YBX1: variants seen among roughly 807,000 people sequenced by gnomAD.
YBX1 encodes the protein Y-box binding protein 1, also known as Y-box-binding protein 1.
YBX1 carries 3 observed loss-of-function variants against 41.4 expected under a neutral mutation model. The observed-to-expected ratio is 0.07, with a 90% CI of 0.03 to 0.19. The LOEUF is 0.19. YBX1 is among the 10% of genes least tolerant of loss of function. The probability of loss-of-function intolerance (pLI) is 1.00; values close to 1 mark genes in which losing one functional copy is unlikely to be tolerated. For synonymous variants in YBX1, 133 were observed against 165.8 expected (o/e 0.80, Z 1.52); for missense variants, 274 against 462.8 (o/e 0.59, Z 3.74).
chr1:42,686,062 T>C (rs1650189012), intron 2 of YBX1, among the ~76,000 whole-genome samples: 1 of 152,256 alleles, frequency 6.6e-6, no homozygotes, highest in Admixed American at 6.5e-5. Flanking sequence ...TAGAGGGGTT[T>C]ATTAGCTCCC....
intron 2 of YBX1, among the ~76,000 whole-genome samples, chr1:42,686,653 G>A (rs1009711734): frequency 7.2e-5 from 11 of 152,198 alleles, no homozygotes; most frequent in African/African-American, 2.7e-4. Flanking sequence ...CCCTTGTGGG[G>A]ATTCCATATG....
At chr1:42,697,132 TTATTA>T (rs1650480675) in intron 5 of YBX1, 43 bp from the exon 6 acceptor site, 52 of 1,579,682 alleles carry the variant, frequency 3.3e-5, no homozygotes, top group Non-Finnish European at 4.3e-5. Context: ...TTGGGTTTTT[TTATTA>T]TATTACTGAC....
At chr1:42,684,118 A>G (rs568458475) in intron 2 of YBX1, among the ~76,000 whole-genome samples, 1 of 152,302 alleles carries the variant, frequency 6.6e-6, no homozygotes, top group African/African-American at 2.4e-5. Context: ...TAACTGGTTA[A>G]GTCGATTTCT....
chr1:42,697,109 T>C (rs1650480004), intron 5 of YBX1, 71 bp from the exon 6 acceptor site: 2 of 1,546,982 alleles, frequency 1.3e-6, no homozygotes, highest in East Asian at 4.5e-5. Context: ...TTTTAACTCT[T>C]GGATTTATCT....
chr1:42,698,187 T>G (rs981757898), intron 6 of YBX1, among the ~76,000 whole-genome samples: 1 of 152,226 alleles, frequency 6.6e-6, no homozygotes, highest in Non-Finnish European at 1.5e-5. Flanking sequence ...TTTACCAAAG[T>G]TGGAGCACTT....
At chr1:42,694,784 T>G (rs529686771) in intron 3 of YBX1, among the ~76,000 whole-genome samples, 52 of 152,322 alleles carry the variant, frequency 3.4e-4, no homozygotes, top group African/African-American at 1.2e-3. Context: ...TTTATAAAAT[T>G]GGTATTCTTG....
intron 2 of YBX1, among the ~76,000 whole-genome samples, chr1:42,693,107 T>G (rs1326771784): frequency 1.3e-5 from 2 of 152,094 alleles, no homozygotes; most frequent in Non-Finnish European, 2.9e-5. Flanking sequence ...CAGGATAAGG[T>G]GAGAATGTAA....
At chr1:42,698,699 A>T (rs1022471215) in intron 6 of YBX1, among the ~76,000 whole-genome samples, 1 of 152,216 alleles carries the variant, frequency 6.6e-6, no homozygotes, top group Non-Finnish European at 1.5e-5. Context: ...TTAGAAAGGT[A>T]TCTTTGTCCA....
At chr1:42,698,674 C>T (rs906883436) in intron 6 of YBX1, among the ~76,000 whole-genome samples, 5 of 152,116 alleles carry the variant, frequency 3.3e-5, no homozygotes, top group Admixed American at 6.5e-5. Context: ...AACAAGCTTG[C>T]GGTTGATTTG....
chr1:42,683,026 G>T (rs1270159800), intron 1 of YBX1: 1 of 365,608 alleles, frequency 2.7e-6, no homozygotes, highest in Non-Finnish European at 5.4e-6. Context: ...GACCGGCCTC[G>T]TGCGCTCGGG....
chr1:42,682,592 G>GCCGCCCGCCGCC lies in YBX1; in HGVS notation c.30_41dup (p.Pro15_Pro18dup), dbSNP rs930113217. 9 of 1,454,840 alleles carry GCCGCCCGCCGCC rather than the reference G, an allele frequency of 6.2e-6. No homozygotes were observed. In the African/African-American group the frequency reaches 1.3e-4, roughly 22 times the overall value. The allele number at this position is 1,454,840 out of a possible 1,614,324, so 90.1% of individuals were successfully genotyped here. ...TGAGCAGCGAGGCCGAGACCCAGCA[G>GCCGCCCGCCGCC]CCGCCCGCCGCCCCCCCCGCCGCCC... is the stretch of plus-strand genomic sequence containing the variant. On this transcript the variant is annotated inframe_insertion, in exon 1 of 8. Transcript: ENST00000321358.
chr1:42,683,306 G>A (rs1650104823), intron 1 of YBX1, 97 bp from the exon 2 acceptor site: 39 of 1,454,342 alleles, frequency 2.7e-5, no homozygotes, highest in Non-Finnish European at 3.8e-5. Context: ...AGGTGGCCGC[G>A]GCGGCCGGCG....
intron 2 of YBX1, among the ~76,000 whole-genome samples, chr1:42,690,931 A>C (rs1378969703): frequency 6.6e-6 from 1 of 152,198 alleles, no homozygotes; most frequent in Admixed American, 6.5e-5. Flanking sequence ...TTCCAGTGTT[A>C]ATTTCCCAGC....
chr1:42,685,611 GAGAC>G (rs1456581745), intron 2 of YBX1, among the ~76,000 whole-genome samples: 2 of 152,232 alleles, frequency 1.3e-5, no homozygotes, highest in African/African-American at 2.4e-5. Flanking sequence ...ATGAGGGAGG[GAGAC>G]AGACTGACAC....
rs566081240 is a variant in YBX1, at chr1:42,693,555, A to G, written c.264+32A>G. On this transcript the variant is annotated intron_variant, in intron 3 of 7. Coordinates refer to ENST00000321358, the MANE Select transcript of YBX1 (RefSeq NM_004559.5). ...GCTTGTGTAGATATTTGCACTTCTG[A>G]TTCAAGGATTGTAAGAAGAAAAGGT... is the stretch of plus-strand genomic sequence containing the variant. The G allele has an allele frequency of 1.9e-6, 3 of 1,610,046 alleles. No homozygotes were observed. In the Admixed American group the frequency reaches 5.0e-5, roughly 27 times the overall value.
intron 6 of YBX1, among the ~76,000 whole-genome samples, chr1:42,699,069 A>C (rs1488083733): frequency 1.3e-5 from 2 of 152,188 alleles, no homozygotes; most frequent in Non-Finnish European, 2.9e-5. Context: ...TTTTTTGTTG[A>C]GAAATAACAT....
In YBX1 at chr1:42,696,924, G is replaced by A. The variant is rs1463633844; in HGVS notation, c.637G>A (p.Val213Met). The A allele has an allele frequency of 6.4e-7, 1 of 1,559,058 alleles. No homozygotes were observed. The highest frequency in any genetic ancestry group is 1.2e-5 in the South Asian group (1 of 82,986). Reference protein sequence around the residue: ...GRRPQYSNPPVQGEVMEGADN... With the variant: ...GRRPQYSNPPMQGEVMEGADN... ...TCGACCACAGTATTCCAACCCTCCTGTGCAGGGAGAAGTGATGGAGGTAAG... is the reference window on the plus strand; with the variant it reads ...TCGACCACAGTATTCCAACCCTCCTATGCAGGGAGAAGTGATGGAGGTAAG... Residue 213 changes from valine (V) to methionine (M), a missense_variant, in exon 5 of 8, where the codon GTG becomes ATG. By Grantham distance (21) the Val-to-Met change is conservative. Transcript: ENST00000321358. This position sits in a 1 kb window ranked among gnomAD's most constrained non-coding sequence, Gnocchi z 5.7.
At position 42,696,190 on chromosome 1, in the gene YBX1, T is replaced by C; in HGVS notation, c.265-9T>C. 6.3e-7 allele frequency: 1 copy of C among 1,599,864 alleles called. No homozygotes were observed. ...CTGTTAATCTATTTTTGGAATGTGA[T>C]ATTACTAGACTGCCATAAAGAAGAA... On this transcript the variant is annotated splice_polypyrimidine_tract_variant and intron_variant, in intron 3 of 7. Transcript: ENST00000321358. The surrounding 1 kb of genome is among the most constrained non-coding windows in gnomAD (Gnocchi z 5.7).
intron 1 of YBX1, 26 bp from the exon 2 acceptor site, chr1:42,683,377 T>C (rs1371269588): frequency 6.2e-7 from 1 of 1,614,102 alleles, no homozygotes; most frequent in South Asian, 1.1e-5. Flanking sequence ...TAATCGTGGC[T>C]TGTTTTGCTT....
Sources: allele counts gnomAD v4.1 joint callset (sites outside exome capture counted in the v4.1 genomes callset), GRCh38; gene constraint gnomAD v4.1.1; non-coding constraint Gnocchi (gnomAD v3.1); transcripts MANE v1.5; gene names NCBI Gene and HGNC (gene_info 2026-07-23, HGNC 2026-07-21).